The following FAM167A variants were observed in gnomAD, a reference collection of about 807,000 sequenced individuals.
FAM167A encodes the protein protein FAM167A.
A neutral mutation model predicts 14.9 loss-of-function variants in FAM167A; 23 were observed. The ratio of observed to expected loss-of-function variants is 1.55; its 90% CI spans 1.11 to 2.19. The LOEUF is 2.19. Ranked by LOEUF, FAM167A falls within the 30% of genes most tolerant of loss-of-function variation. FAM167A has a pLI of 0.00. For synonymous variants in FAM167A, 174 were observed against 117.7 expected (o/e 1.48, Z -3.10); for missense variants, 401 against 281.5 (o/e 1.42, Z -3.04).
intron 1 of FAM167A, among the ~76,000 whole-genome samples, chr8:11,474,033 C>T (rs896418340): frequency 5.3e-5 from 8 of 152,012 alleles, no homozygotes; most frequent in African/African-American, 1.9e-4. Flanking sequence ...GCCACCATGC[C>T]CGGCTAATTT....
rs555237408 is a variant in FAM167A at position 11,449,914 on chromosome 8, C to T, written c.-397-5106G>A. Among the ~76,000 whole-genome samples, 18 of 152,322 alleles carry T rather than the reference C, an allele frequency of 1.2e-4. 1 individual carries two copies. The highest frequency in any genetic ancestry group is 2.1e-4 in the South Asian group (1 of 4,832). On this transcript the variant is annotated intron_variant, in intron 1 of 2. Transcript: ENST00000284486. ...TGACCTAATCTGTTCACCTGGAAAA[C>T]GGTCACATCCACTTCCTCGATGGGC...
intron 2 of FAM167A, among the ~76,000 whole-genome samples, chr8:11,427,767 G>A (rs1399182251): frequency 1.3e-5 from 2 of 152,148 alleles, no homozygotes; most frequent in Non-Finnish European, 2.9e-5. Context: ...GGTATCTAAT[G>A]GCAAAATTGG....
At chr8:11,462,826 C>T (rs1428677915) in intron 1 of FAM167A, among the ~76,000 whole-genome samples, 2 of 152,208 alleles carry the variant, frequency 1.3e-5, no homozygotes, top group African/African-American at 4.8e-5. Flanking sequence ...GGCACTTCAG[C>T]GTCTTTATCT....
At chr8:11,469,495 G>C (rs1056577674), upstream of FAM167A, among the ~76,000 whole-genome samples, 2 of 152,058 alleles carry the variant, frequency 1.3e-5, no homozygotes, top group Non-Finnish European at 2.9e-5. Flanking sequence ...TTACAGAGAA[G>C]TTTTCTTTCC....
At chr8:11,426,657 G>A (rs1289041588) in intron 2 of FAM167A, among the ~76,000 whole-genome samples, 2 of 152,146 alleles carry the variant, frequency 1.3e-5, no homozygotes, top group African/African-American at 4.8e-5. Context: ...GGAAGGAGTG[G>A]ATACTGGGGG....
chr8:11,430,333 G>A (rs535739088), intron 2 of FAM167A, among the ~76,000 whole-genome samples: 40 of 152,338 alleles, frequency 2.6e-4, no homozygotes, highest in African/African-American at 8.2e-4. Flanking sequence ...AGGGAAGGGC[G>A]GCAGCCACAC....
intron 2 of FAM167A, among the ~76,000 whole-genome samples, chr8:11,436,916 G>A (rs762116323): frequency 2.6e-4 from 39 of 152,182 alleles, no homozygotes; most frequent in Non-Finnish European, 5.1e-4. Flanking sequence ...CTGCTGGAGT[G>A]GGGACCTGTG....
chr8:11,473,286 G>C (rs559822369), intron 1 of FAM167A, among the ~76,000 whole-genome samples: 11 of 152,270 alleles, frequency 7.2e-5, no homozygotes, highest in Middle Eastern at 3.4e-3. Flanking sequence ...ACACTGGTGT[G>C]GGGGGAAGCT....
chr8:11,440,593 G>A (rs1319616202), intron 2 of FAM167A, among the ~76,000 whole-genome samples: 1 of 152,194 alleles, frequency 6.6e-6, no homozygotes, highest in Admixed American at 6.5e-5. Context: ...CTGCCTCCTG[G>A]GAGAGCTGCT....
In FAM167A at chr8:11,424,587, A is replaced by G; in HGVS notation, c.431T>C (p.Leu144Pro). ...TTTCAGCTTGTTGATGTCGCCACGC[A>G]GGCGCATGAGCTGTCTGGCCAGTTG... Reference protein sequence around the residue: ...DQQLARQLMRLRGDINKLKIE... With the variant: ...DQQLARQLMRPRGDINKLKIE... The change falls in exon 3 of 3, where the codon CTG becomes CCG. Residue 144 changes from leucine (L) to proline (P), a missense_variant. Physicochemically the swap from Leu to Pro is moderately conservative, Grantham distance 98. Coordinates refer to ENST00000284486, the MANE Select transcript of FAM167A (RefSeq NM_053279.3). The G allele has an allele frequency of 1.2e-6, 2 of 1,614,088 alleles. No homozygotes were observed. Among genetic ancestry groups the G allele is most frequent in the South Asian group, 1.1e-5 (1 of 91,082 alleles).
At position 11,435,027 on chromosome 8, in the gene FAM167A, C is replaced by A. The variant is rs1355767831; in HGVS notation, c.381+9004G>T. On this transcript the variant is annotated intron_variant, in intron 2 of 2. Transcript: ENST00000284486. ...GCATCTGGGCCTCCTCCCTGCCTGC[C>A]TCCCCCCCTCACTCAATCTGTCTCC... The A allele has an allele frequency of 3.5e-5, 16 of 456,764 alleles. No homozygotes were observed. The Admixed American group carries it at 3.8e-4, about 11-fold the overall frequency. 28.3% of individuals were successfully genotyped at this position (456,764 alleles called of 1,614,324 possible). A position where few individuals can be genotyped will look rare whatever the true frequency, so the allele number is the denominator to read the frequency against.
chr8:11,474,171 G>A (rs576050420), intron 1 of FAM167A, among the ~76,000 whole-genome samples: 5 of 152,294 alleles, frequency 3.3e-5, no homozygotes, highest in African/African-American at 9.6e-5. Context: ...CACCGTGCCC[G>A]GCCAACACTG....
chr8:11,438,841 G>C (rs1806237294), intron 2 of FAM167A, among the ~76,000 whole-genome samples: 1 of 152,222 alleles, frequency 6.6e-6, no homozygotes, highest in South Asian at 2.1e-4. Flanking sequence ...GAATTCTCTT[G>C]TGAACCAAAT....
intron 1 of FAM167A, among the ~76,000 whole-genome samples, chr8:11,453,396 T>A (rs1212784321): frequency 2.0e-5 from 3 of 152,250 alleles, no homozygotes; most frequent in African/African-American, 7.2e-5. Flanking sequence ...ACTCAATATG[T>A]GCCAGGCACT....
At chr8:11,471,574 G>A (rs1343266263), upstream of FAM167A, among the ~76,000 whole-genome samples, 2 of 152,208 alleles carry the variant, frequency 1.3e-5, no homozygotes, top group African/African-American at 2.4e-5. Context: ...ACCATGGGCG[G>A]TCACTTAAGT....
rs61295167 is a variant in FAM167A at position 11,438,254 on chromosome 8, C to T, written c.381+5777G>A. On this transcript the variant is annotated intron_variant, in intron 2 of 2. Coordinates refer to ENST00000284486, the MANE Select transcript of FAM167A (RefSeq NM_053279.3). ...GATCCTCCAACTCCCTTCTCCTTGA[C>T]CCTGCAAGACAGCCAGGAAAGGGAG... 4.2e-3 allele frequency: 1,694 copies of T among 407,486 alleles called. 16 individuals carry two copies. The highest frequency in any genetic ancestry group is 0.022 in the Middle Eastern group (39 of 1,774). 25.2% of individuals were successfully genotyped at this position (407,486 alleles called of 1,614,324 possible). A position where few individuals can be genotyped will look rare whatever the true frequency, so the allele number is the denominator to read the frequency against.
chr8:11,432,417 C>A (rs1007460601), intron 2 of FAM167A, among the ~76,000 whole-genome samples: 1 of 152,166 alleles, frequency 6.6e-6, no homozygotes, highest in African/African-American at 2.4e-5. Context: ...AGGATATGAA[C>A]AGACACTTCT....
At chr8:11,475,434 C>T (rs1470828608) in intron 1 of FAM167A, among the ~76,000 whole-genome samples, 1 of 152,100 alleles carries the variant, frequency 6.6e-6, no homozygotes, top group African/African-American at 2.4e-5. Context: ...GGCCTTCTCA[C>T]CCTGATGTTC....
intron 2 of FAM167A, 102 bp downstream of exon 2, chr8:11,443,929 T>C: frequency 7.2e-7 from 1 of 1,386,906 alleles, no homozygotes; most frequent in Non-Finnish European, 9.8e-7. Context: ...GGGGAAGAAA[T>C]ACATGGTGGG....
Sources: gnomAD v4.1 joint callset for allele counts (sites outside exome capture counted in the v4.1 genomes callset) on GRCh38, gnomAD v4.1.1 for gene constraint, MANE v1.5 for transcripts, NCBI Gene and HGNC (gene_info 2026-07-23, HGNC 2026-07-21) for gene names.